The following PAK6 variants were observed in gnomAD, a reference collection of about 807,000 sequenced individuals.
The protein encoded by PAK6 is p21 (RAC1) activated kinase 6.
Under a neutral mutation model 60.8 loss-of-function variants are expected in PAK6, and 33 were observed. That is an observed-to-expected ratio of 0.54 (90% confidence interval 0.41 to 0.73). The LOEUF is 0.73. Among genes scored for constraint, PAK6 ranks in the 30% least tolerant of loss-of-function variants. The pLI, the probability that PAK6 is intolerant of heterozygous loss-of-function variation, is 0.00. For missense variants in PAK6, 845 were observed against 904.1 expected, an observed-to-expected ratio of 0.93 and a Z score of 0.84; for synonymous variants, 404 against 378.5, an observed-to-expected ratio of 1.07 and a Z score of -0.78.
chr15:40,259,948 T>C (rs918097271), intron 3 of PAK6: 4 of 152,130 alleles, frequency 2.6e-5, no homozygotes, highest in African/African-American at 4.8e-5. Context: ...TTCCTTCAAA[T>C]AGCCATTGTA....
intron 3 of PAK6, among the ~76,000 whole-genome samples, chr15:40,255,830 G>T (rs541141471): frequency 6.6e-6 from 1 of 152,282 alleles, no homozygotes; most frequent in South Asian, 2.1e-4. Context: ...GCAGCCTCCT[G>T]TTGGGAATGC....
chr15:40,243,441 G>C (rs947322716), intron 2 of PAK6, among the ~76,000 whole-genome samples: 1 of 152,196 alleles, frequency 6.6e-6, no homozygotes, highest in African/African-American at 2.4e-5. Context: ...GTACCTATGA[G>C]TTAGGGTTGT....
exon 8 of PAK6, chr15:40,273,385 G>A: frequency 2.5e-6 from 4 of 1,613,994 alleles, no homozygotes. Context: ...GTGAGGCTGT[G>A]CTGCAGGCCC....
At chr15:40,268,686 G>A (rs12914440) in intron 5 of PAK6, among the ~76,000 whole-genome samples, 37,265 of 152,176 alleles carry the variant, frequency 0.24, 4,953 homozygotes, top group African/African-American at 0.33. Context: ...CCCAGGCAGT[G>A]AGGCCTGGAG....
exon 5 of PAK6, chr15:40,266,450 A>T (rs771289331): frequency 6.2e-7 from 1 of 1,612,168 alleles, no homozygotes; most frequent in South Asian, 1.1e-5. Flanking sequence ...CTGCTGCCAC[A>T]GCCCCTCCAA....
chr15:40,266,496 G>A lies in PAK6; in HGVS notation c.858+1G>A. Reference sequence around the variant, plus strand: ...GCCAGGCCCTCCACCACAGAGCAAGGTAAGTCAGGAGCCTGGCCTGCAGGT... The same window carrying A: ...GCCAGGCCCTCCACCACAGAGCAAGATAAGTCAGGAGCCTGGCCTGCAGGT... On this transcript the variant is annotated splice_donor_variant, in intron 5 of 10. Transcript: ENST00000560346. LOFTEE classifies it high-confidence loss of function. The A allele has an allele frequency of 6.3e-7, 1 of 1,595,372 alleles. No individual in the cohort carries two copies. Among genetic ancestry groups the A allele is most frequent in the Non-Finnish European group, 8.5e-7 (1 of 1,170,650 alleles).
exon 5 of PAK6, chr15:40,266,332 G>A: frequency 6.2e-7 from 1 of 1,612,266 alleles, no homozygotes; most frequent in Non-Finnish European, 8.5e-7. Context: ...CCACAGTCCT[G>A]CCTGGTGGGC....
chr15:40,254,471 T>C (rs1246922166), intron 3 of PAK6, among the ~76,000 whole-genome samples: 1 of 152,200 alleles, frequency 6.6e-6, no homozygotes. Context: ...GAAGGGGCCA[T>C]TCCTGGAAGA....
intron 9 of PAK6, 151 bp downstream of exon 9, chr15:40,273,827 C>A: frequency 1.1e-6 from 1 of 945,132 alleles, no homozygotes; most frequent in Non-Finnish European, 1.6e-6. Context: ...GATGGGGCTG[C>A]TCTTACCCAG....
At chr15:40,245,022 A>G (rs1440678552) in intron 2 of PAK6, 4 of 152,222 alleles carry the variant, frequency 2.6e-5, no homozygotes, top group Admixed American at 2.6e-4. Flanking sequence ...CCTATTCCCC[A>G]AAAGTGCTGC....
chr15:40,274,342 C>G (rs2039390975), intron 10 of PAK6, 66 bp downstream of exon 10: 2 of 1,490,500 alleles, frequency 1.3e-6, no homozygotes. Flanking sequence ...GGACCAGAAC[C>G]TGGGCTCCCA....
intron 2 of PAK6, 134 bp downstream of exon 2, chr15:40,240,815 A>C (rs1595559200): frequency 3.1e-6 from 1 of 322,566 alleles, no homozygotes; most frequent in Non-Finnish European, 6.2e-6. Context: ...AAGGGGCTCC[A>C]CTCCCCACCC....
intron 2 of PAK6, among the ~76,000 whole-genome samples, chr15:40,242,317 A>G (rs1441022272): frequency 6.6e-6 from 1 of 152,252 alleles, no homozygotes; most frequent in African/African-American, 2.4e-5. Flanking sequence ...TGCCCACCGC[A>G]CACAGTGTCC....
At chr15:40,252,841 C>A (rs1383512047) in intron 2 of PAK6, 4 of 1,281,582 alleles carry the variant, frequency 3.1e-6, no homozygotes, top group Non-Finnish European at 4.1e-6. Context: ...AGCTCCGCGT[C>A]CCTGGAGCGG....
At chr15:40,269,375 A>C (rs1038676326) in intron 5 of PAK6, among the ~76,000 whole-genome samples, 1 of 152,176 alleles carries the variant, frequency 6.6e-6, no homozygotes, top group Non-Finnish European at 1.5e-5. Flanking sequence ...TAGGATACTT[A>C]AGGTATAGCC....
chr15:40,270,439 G>C (rs12905386), intron 5 of PAK6, among the ~76,000 whole-genome samples: 1 of 152,086 alleles, frequency 6.6e-6, no homozygotes, highest in Non-Finnish European at 1.5e-5. Flanking sequence ...GGAAGTCTGC[G>C]GTTTCTCTAG....
At chr15:40,255,887 G>A (rs2038821163) in intron 3 of PAK6, among the ~76,000 whole-genome samples, 1 of 152,172 alleles carries the variant, frequency 6.6e-6, no homozygotes, top group Admixed American at 6.5e-5. Context: ...ACCCCGTCAG[G>A]AGTGCCACAG....
chr15:40,255,605 G>C (rs1014056098), intron 3 of PAK6, among the ~76,000 whole-genome samples: 7 of 152,176 alleles, frequency 4.6e-5, no homozygotes, highest in African/African-American at 1.4e-4. Context: ...TCCTTCCCCC[G>C]TGTATTTTGG....
chr15:40,273,636 T>C (rs1427220368), exon 9 of PAK6: 1 of 1,613,988 alleles, frequency 6.2e-7, no homozygotes, highest in East Asian at 2.2e-5. Context: ...CCCTACTGGA[T>C]GGCTCCTGAA....
Sources: gnomAD v4.1 joint callset for allele counts (sites outside exome capture counted in the v4.1 genomes callset) on GRCh38, gnomAD v4.1.1 for gene constraint, MANE v1.5 for transcripts, NCBI Gene and HGNC (gene_info 2026-07-23, HGNC 2026-07-21) for gene names.